VPS13B: variants seen among roughly 807,000 people sequenced by gnomAD.
The protein encoded by VPS13B is intermembrane lipid transfer protein VPS13B.
In VPS13B, 285 loss-of-function variants were observed where a neutral mutation model predicts 426.4. The ratio of observed to expected loss-of-function variants is 0.67; its 90% confidence interval spans 0.61 to 0.74. The LOEUF (loss-of-function observed/expected upper bound fraction) is 0.74, where lower values mean the gene tolerates loss of function less well. Among genes scored for constraint, VPS13B ranks in the 30% least tolerant of loss-of-function variants. The pLI, the probability that VPS13B is intolerant of heterozygous loss-of-function variation, is 0.00. For synonymous variants in VPS13B, 1,676 were observed against 1,676.4 expected (o/e 1.00, Z 0.01); for missense variants, 4,537 against 4,782.6 (o/e 0.95, Z 1.51).
At chr8:99,428,629 A>C (rs1816881445) in intron 21 of VPS13B, among the ~76,000 whole-genome samples, 1 of 152,166 alleles carries the variant, frequency 6.6e-6, no homozygotes, top group African/African-American at 2.4e-5. Flanking sequence ...AAAAGTCAGG[A>C]AACAACAGGT....
chr8:99,390,907 C>G (rs1401577779), intron 20 of VPS13B, among the ~76,000 whole-genome samples: 1 of 152,158 alleles, frequency 6.6e-6, no homozygotes, highest in Non-Finnish European at 1.5e-5. Flanking sequence ...GCTTTATTGT[C>G]CAGCTCAGCC....
At chr8:99,411,242 A>G (rs2133358199) in intron 21 of VPS13B, among the ~76,000 whole-genome samples, 1 of 152,258 alleles carries the variant, frequency 6.6e-6, no homozygotes, top group African/African-American at 2.4e-5. Flanking sequence ...TGACTTTTTA[A>G]TAATCGCCAT....
intron 5 of VPS13B, among the ~76,000 whole-genome samples, chr8:99,104,016 TC>T (rs1273326614): frequency 2.6e-5 from 4 of 152,224 alleles, no homozygotes; most frequent in Non-Finnish European, 5.9e-5. Flanking sequence ...TATAATACAG[TC>T]ATGCATTGCT....
chr8:99,524,582 C>T (rs2133678721), intron 30 of VPS13B, among the ~76,000 whole-genome samples: 1 of 152,246 alleles, frequency 6.6e-6, no homozygotes, highest in East Asian at 1.9e-4. Context: ...TGCTTGAGCC[C>T]GGGAGTTCGA....
chr8:99,665,160 G>A lies in VPS13B; in HGVS notation c.6046+3669G>A, dbSNP rs1830431692. 3.3e-5 allele frequency among the ~76,000 whole-genome samples: 5 copies of A among 152,190 alleles called. No individual in the cohort carries two copies. In the South Asian group the frequency reaches 1.0e-3, roughly 32 times the overall value. On this transcript the variant is annotated intron_variant, in intron 35 of 61. Transcript: ENST00000357162. The stretch of plus-strand genomic sequence containing the variant: ...CATATCCTTCGCCCACTGTTTGATG[G>A]GGTTGTTTGTTTTTTTCTTATAAAT...
chr8:99,752,185 A>G (rs1810429657), intron 39 of VPS13B, among the ~76,000 whole-genome samples: 1 of 152,198 alleles, frequency 6.6e-6, no homozygotes, highest in Non-Finnish European at 1.5e-5. Flanking sequence ...TCTAAAAAAA[A>G]AAAGTACATT....
At chr8:99,146,322 T>C (rs1037323234) in intron 13 of VPS13B, among the ~76,000 whole-genome samples, 1 of 152,180 alleles carries the variant, frequency 6.6e-6, no homozygotes, top group African/African-American at 2.4e-5. Context: ...TTTACCTTTG[T>C]AAAAAATCAA....
Position 99,776,809 on chromosome 8 carries a change from GA to G in VPS13B, c.7283del (p.Asp2428ValfsTer4). 6.2e-7 allele frequency: 1 copy of G among 1,613,970 alleles called. No individual in the cohort carries two copies. Among genetic ancestry groups the G allele is most frequent in the Non-Finnish European group, 8.5e-7 (1 of 1,179,944 alleles). ...ASESGSQSTC[D>X]PLVTPTALAA... is the part of the protein sequence containing the mutation. ...TGAGTCTGGTTCTCAAAGCACTTGT[GA>G]TCCACTTGTGACTCCAACAGCCCTG... is the stretch of plus-strand genomic sequence containing the variant. On this transcript the variant is annotated frameshift_variant, in exon 41 of 62. Coordinates refer to ENST00000357162, the MANE Select transcript of VPS13B (RefSeq NM_152564.5). LOFTEE classifies it high-confidence loss of function.
chr8:99,774,592 A>G (rs1310700922), intron 40 of VPS13B, among the ~76,000 whole-genome samples: 1 of 152,196 alleles, frequency 6.6e-6, no homozygotes, highest in Non-Finnish European at 1.5e-5. Context: ...CTGTGTACCC[A>G]TTTTAAAAAA....
chr8:99,127,159 G>A (rs985194951), intron 8 of VPS13B, among the ~76,000 whole-genome samples: 1 of 151,246 alleles, frequency 6.6e-6, no homozygotes, highest in African/African-American at 2.4e-5. Context: ...GGACTTTTTT[G>A]TAGTCGTTTT....
At position 99,390,848 on chromosome 8, in the gene VPS13B, A is replaced by G. The variant is rs183137574; in HGVS notation, c.2935-709A>G. ...ATATGACAAAATTGTATTGGGCATC[A>G]TCATCAGTAACATCAGACTTTATTT... On this transcript the variant is annotated intron_variant, in intron 20 of 61. Coordinates refer to ENST00000357162, the MANE Select transcript of VPS13B (RefSeq NM_152564.5). Among the ~76,000 whole-genome samples, 489 of 152,352 alleles carry G rather than the reference A, an allele frequency of 3.2e-3. 4 individuals carry two copies. The highest frequency in any genetic ancestry group is 6.8e-3 in the Middle Eastern group (2 of 294).
At chr8:99,082,753 T>G (rs1324731233) in intron 3 of VPS13B, among the ~76,000 whole-genome samples, 3 of 152,214 alleles carry the variant, frequency 2.0e-5, no homozygotes, top group Non-Finnish European at 4.4e-5. Flanking sequence ...GTCAGGTTTG[T>G]CAAAGATCAG....
intron 50 of VPS13B, among the ~76,000 whole-genome samples, chr8:99,823,134 C>T (rs559213141): frequency 6.6e-6 from 1 of 152,246 alleles, no homozygotes; most frequent in East Asian, 1.9e-4. Context: ...TTAAGAGCAG[C>T]ACCACAGAGC....
chr8:99,506,361 A>G (rs574342096), intron 27 of VPS13B, among the ~76,000 whole-genome samples: 1 of 152,324 alleles, frequency 6.6e-6, no homozygotes, highest in Non-Finnish European at 1.5e-5. Flanking sequence ...TGATCTTTGC[A>G]AGTGATAATA....
chr8:99,812,704 C>G (rs908468245), intron 44 of VPS13B, among the ~76,000 whole-genome samples: 4 of 152,150 alleles, frequency 2.6e-5, no homozygotes, highest in African/African-American at 9.7e-5. Flanking sequence ...GTTGAAGAAA[C>G]CTTTACTACT....
At chr8:99,615,774 C>T (rs768759477) in intron 33 of VPS13B, among the ~76,000 whole-genome samples, 2 of 151,928 alleles carry the variant, frequency 1.3e-5, no homozygotes, top group Admixed American at 6.6e-5. Context: ...GGAGTTGTGA[C>T]GTGTGAATGT....
At chr8:99,468,463 A>T (rs1413058628) in intron 24 of VPS13B, among the ~76,000 whole-genome samples, 4 of 151,780 alleles carry the variant, frequency 2.6e-5, no homozygotes, top group East Asian at 3.9e-4. Context: ...AAGAAATATT[A>T]AAAAAAATTT....
At chr8:99,321,181 A>T (rs1214885274) in intron 19 of VPS13B, among the ~76,000 whole-genome samples, 6 of 145,678 alleles carry the variant, frequency 4.1e-5, no homozygotes, top group Non-Finnish European at 9.1e-5. Context: ...CGGTATTTTT[A>T]CTCACAATTT....
intron 33 of VPS13B, among the ~76,000 whole-genome samples, chr8:99,597,746 T>C (rs1827089358): frequency 6.6e-6 from 1 of 151,944 alleles, no homozygotes; most frequent in South Asian, 2.1e-4. Context: ...TAACTTTAGG[T>C]TATGTGAGCA....
Sources: allele counts gnomAD v4.1 joint callset (sites outside exome capture counted in the v4.1 genomes callset), GRCh38; gene constraint gnomAD v4.1.1; transcripts MANE v1.5; gene names NCBI Gene and HGNC (gene_info 2026-07-23, HGNC 2026-07-21).